Variants in WDFY1 observed in about 807,000 individuals in gnomAD.
The protein encoded by WDFY1 is WD repeat and FYVE domain containing 1.
A neutral mutation model predicts 56.4 loss-of-function variants in WDFY1; 32 were observed. The ratio of observed to expected loss-of-function variants is 0.57; its 90% CI spans 0.43 to 0.76. The LOEUF is 0.76. Among genes scored for constraint, WDFY1 ranks in the 30% least tolerant of loss-of-function variants. WDFY1 has a pLI of 0.00. For synonymous variants in WDFY1, 192 were observed against 197.3 expected (o/e 0.97, Z 0.23); for missense variants, 480 against 545.7 (o/e 0.88, Z 1.20).
intron 2 of WDFY1, 36 bp downstream of exon 2, chr2:223,917,907 G>A (rs1046381983): frequency 1.9e-6 from 3 of 1,609,628 alleles, no homozygotes; most frequent in South Asian, 1.1e-5. Flanking sequence ...AAACATTAGA[G>A]ACATTTCTCT....
chr2:223,921,058 G>C (rs1693877746), intron 1 of WDFY1, among the ~76,000 whole-genome samples: 1 of 152,138 alleles, frequency 6.6e-6, no homozygotes, highest in South Asian at 2.1e-4. Context: ...GGTAAGAGGA[G>C]GACTGAATGC....
chr2:223,913,317 G>C (rs974050848), intron 2 of WDFY1, among the ~76,000 whole-genome samples: 10 of 151,946 alleles, frequency 6.6e-5, no homozygotes, highest in Admixed American at 3.9e-4. Flanking sequence ...CTCACCAAAG[G>C]AAGGAAGTAA....
intron 8 of WDFY1, among the ~76,000 whole-genome samples, chr2:223,885,286 G>C (rs1347379926): frequency 6.6e-6 from 1 of 151,708 alleles, no homozygotes; most frequent in Non-Finnish European, 1.5e-5. Context: ...GATCTCTCAG[G>C]CTCAAATGAT....
chr2:223,905,498 A>G (rs1693582371), intron 4 of WDFY1, among the ~76,000 whole-genome samples: 1 of 152,190 alleles, frequency 6.6e-6, no homozygotes, highest in African/African-American at 2.4e-5. Flanking sequence ...CCATTTAAAC[A>G]AAACAAAATA....
At chr2:223,931,417 G>A (rs1694070094) in intron 1 of WDFY1, among the ~76,000 whole-genome samples, 1 of 152,188 alleles carries the variant, frequency 6.6e-6, no homozygotes, top group South Asian at 2.1e-4. Flanking sequence ...ATTCCAGGGA[G>A]ATTAATCTTT....
intron 1 of WDFY1, among the ~76,000 whole-genome samples, chr2:223,941,832 T>G (rs2106106991): frequency 6.6e-6 from 1 of 152,322 alleles, no homozygotes; most frequent in Admixed American, 6.5e-5. Flanking sequence ...TGACACGTAT[T>G]TATGACAATG....
intron 1 of WDFY1, among the ~76,000 whole-genome samples, chr2:223,942,132 A>G (rs1689314529): frequency 6.6e-6 from 1 of 152,136 alleles, no homozygotes; most frequent in Admixed American, 6.5e-5. Context: ...ATTTATCAGC[A>G]CTGCTCCTGA....
chr2:223,888,840 A>G (rs547751151), intron 8 of WDFY1, among the ~76,000 whole-genome samples: 2 of 150,722 alleles, frequency 1.3e-5, no homozygotes, highest in African/African-American at 4.9e-5. Flanking sequence ...TGCCCGCCTC[A>G]GCCTCCCAAA....
At chr2:223,933,210 T>A (rs1420993931) in intron 1 of WDFY1, among the ~76,000 whole-genome samples, 1 of 152,180 alleles carries the variant, frequency 6.6e-6, no homozygotes, top group Non-Finnish European at 1.5e-5. Flanking sequence ...CAAGGGTCTG[T>A]GACCAAGAAT....
chr2:223,923,904 T>C (rs1423274761), intron 1 of WDFY1, among the ~76,000 whole-genome samples: 1 of 152,222 alleles, frequency 6.6e-6, no homozygotes, highest in Non-Finnish European at 1.5e-5. Context: ...AGCTTATGTT[T>C]TCCTTTAATA....
chr2:223,883,482 A>G (rs1243008275), intron 9 of WDFY1, among the ~76,000 whole-genome samples: 1 of 152,208 alleles, frequency 6.6e-6, no homozygotes, highest in Non-Finnish European at 1.5e-5. Flanking sequence ...ACTAATTACC[A>G]TCAGCCATGC....
At chr2:223,882,944 G>A (rs1693100908) in intron 9 of WDFY1, among the ~76,000 whole-genome samples, 1 of 152,038 alleles carries the variant, frequency 6.6e-6, no homozygotes, top group African/African-American at 2.4e-5. Context: ...GTCCAGGCTG[G>A]TCTTGAACAC....
At chr2:223,943,923 G>C (rs1057211013) in intron 1 of WDFY1, among the ~76,000 whole-genome samples, 6 of 152,166 alleles carry the variant, frequency 3.9e-5, no homozygotes, top group Non-Finnish European at 8.8e-5. Context: ...AGCATGGTGG[G>C]CGTCCAATGC....
intron 1 of WDFY1, among the ~76,000 whole-genome samples, chr2:223,921,020 G>C (rs573946937): frequency 6.6e-6 from 1 of 152,200 alleles, no homozygotes; most frequent in South Asian, 2.1e-4. Flanking sequence ...GAGACCAGAG[G>C]GACAATCAGA....
intron 3 of WDFY1, 108 bp downstream of exon 3, chr2:223,912,145 G>A (rs1272221182): frequency 7.9e-6 from 9 of 1,140,904 alleles, no homozygotes; most frequent in South Asian, 3.1e-5. Context: ...CCAAACAATC[G>A]AGCATCCATT....
At chr2:223,882,273 CCTGA>C (rs1401741861) in intron 9 of WDFY1, among the ~76,000 whole-genome samples, 3 of 152,112 alleles carry the variant, frequency 2.0e-5, no homozygotes, top group Non-Finnish European at 2.9e-5. Flanking sequence ...TGTCACCACG[CCTGA>C]CTAATTTTTG....
At chr2:223,919,619 C>G (rs1034805152) in intron 1 of WDFY1, among the ~76,000 whole-genome samples, 1 of 152,210 alleles carries the variant, frequency 6.6e-6, no homozygotes, top group African/African-American at 2.4e-5. Flanking sequence ...AAGCAATCCT[C>G]CCACCTCAGG....
At position 223,879,634 on chromosome 2, in the gene WDFY1, T is replaced by A. The variant is rs1416882359; in HGVS notation, c.1173+490A>T. Among the ~76,000 whole-genome samples, 16 of 151,328 alleles carry A rather than the reference T, an allele frequency of 1.1e-4. No individual in the cohort carries two copies. In the South Asian group the frequency reaches 3.3e-3, roughly 32 times the overall value. ...GTGACTGTGCCACTGCACTCCAGCC[T>A]GGACAACAGAGCAAGACCCATCTCA... On this transcript the variant is annotated intron_variant, in intron 11 of 11. Coordinates refer to ENST00000233055, the MANE Select transcript of WDFY1 (RefSeq NM_020830.5).
At chr2:223,894,208 A>G in intron 8 of WDFY1, 26 bp downstream of exon 8, 1 of 1,613,066 alleles carries the variant, frequency 6.2e-7, no homozygotes, top group South Asian at 1.1e-5. Flanking sequence ...TCCCCCGATC[A>G]GCCTGGACTT....
Sources: gnomAD v4.1 joint callset for allele counts (sites outside exome capture counted in the v4.1 genomes callset) on GRCh38, gnomAD v4.1.1 for gene constraint, MANE v1.5 for transcripts, NCBI Gene and HGNC (gene_info 2026-07-23, HGNC 2026-07-21) for gene names.